Variants in PPEF1 observed in about 807,000 individuals in gnomAD.
PPEF1 encodes serine/threonine-protein phosphatase with EF-hands 1.
A neutral mutation model predicts 53.3 loss-of-function variants in PPEF1; 12 were observed. That is an observed-to-expected ratio of 0.23 (90% confidence interval 0.14 to 0.36). The LOEUF (loss-of-function observed/expected upper bound fraction) is 0.36. PPEF1 is among the 10% of genes least tolerant of loss of function. The probability of loss-of-function intolerance (pLI) is 1.00; values close to 1 mark genes in which losing one functional copy is unlikely to be tolerated. For synonymous variants in PPEF1, 165 were observed against 176.7 expected (o/e 0.93, Z 0.52); for missense variants, 334 against 490.4 (o/e 0.68, Z 3.01).
chrX:18,789,458 T>G (rs1385925529), intron 10 of PPEF1, among the ~76,000 whole-genome samples, 185 bp downstream of exon 10: 1 of 112,428 alleles, frequency 8.9e-6, no homozygotes, highest in Non-Finnish European at 1.9e-5. Context: ...ACTCACCCAT[T>G]TAAAGTGTAT....
chrX:18,763,948 G>T (rs2045716480), intron 6 of PPEF1, among the ~76,000 whole-genome samples: 1 of 111,470 alleles, frequency 9.0e-6, no homozygotes. Flanking sequence ...AGCCGAGGGG[G>T]CTGGTGAAAG....
intron 12 of PPEF1, among the ~76,000 whole-genome samples, chrX:18,807,003 GGTTTTTT>G (rs1366892548): frequency 7.9e-4 from 40 of 50,531 alleles, no homozygotes; most frequent in African/African-American, 3.7e-3. Context: ...TGTTTTTTTT[GGTTTTTT>G]TTTTGTTTGT....
intron 3 of PPEF1, among the ~76,000 whole-genome samples, chrX:18,741,869 T>G (rs1482305541): frequency 9.7e-6 from 1 of 103,187 alleles, no homozygotes; most frequent in African/African-American, 3.5e-5. Flanking sequence ...AGTGGCGCAA[T>G]CTCACCTCAC....
chrX:18,808,207 C>T (rs923801910), intron 12 of PPEF1, among the ~76,000 whole-genome samples: 11 of 106,468 alleles, frequency 1.0e-4, no homozygotes, highest in Non-Finnish European at 5.8e-5. Context: ...CCTTGTGATC[C>T]GCCCGCCTCA....
At chrX:18,781,554 C>T (rs2046086294) in intron 7 of PPEF1, among the ~76,000 whole-genome samples, 1 of 111,037 alleles carries the variant, frequency 9.0e-6, no homozygotes, top group African/African-American at 3.3e-5. Flanking sequence ...TCAGAGAGGG[C>T]GAGGAAGGTG....
At chrX:18,679,596 G>A (rs996868381), upstream of PPEF1, among the ~76,000 whole-genome samples, 1 of 111,684 alleles carries the variant, frequency 9.0e-6, no homozygotes, top group Non-Finnish European at 1.9e-5. Flanking sequence ...CTGGATCATA[G>A]CCAGTAGCCT....
upstream of PPEF1, among the ~76,000 whole-genome samples, chrX:18,681,036 T>C (rs770405094): frequency 4.5e-5 from 5 of 111,351 alleles, no homozygotes; most frequent in East Asian, 1.4e-3. Flanking sequence ...TTTGGGTTGG[T>C]TCCAAGTCTT....
chrX:18,821,788 AGAGAGAGAGAG>A (rs780895831), intron 13 of PPEF1, among the ~76,000 whole-genome samples: 37,192 of 102,463 alleles, frequency 0.36, 5,770 homozygotes, highest in Non-Finnish European at 0.47. Flanking sequence ...AGAGAGAGAG[AGAGAGAGAGAG>A]AGAGAAAACA....
At chrX:18,706,435 C>A (rs77999478), upstream of PPEF1, among the ~76,000 whole-genome samples, 2,344 of 109,994 alleles carry the variant, frequency 0.021, 51 homozygotes, top group South Asian at 0.16. Flanking sequence ...CAGCAGTGCC[C>A]AGAGAGCTTG....
intron 1 of PPEF1, among the ~76,000 whole-genome samples, chrX:18,712,181 G>T (rs1386910831): frequency 8.9e-6 from 1 of 111,855 alleles, no homozygotes; most frequent in African/African-American, 3.2e-5. Flanking sequence ...GAATCAATGT[G>T]TCAGTGTCTC....
intron 3 of PPEF1, among the ~76,000 whole-genome samples, chrX:18,746,000 C>G (rs940972214): frequency 2.7e-5 from 3 of 111,608 alleles, no homozygotes; most frequent in Non-Finnish European, 5.6e-5. Flanking sequence ...AATTTATGGG[C>G]TTTAAATTTT....
chrX:18,680,517 C>T (rs1365853173), upstream of PPEF1, among the ~76,000 whole-genome samples: 1 of 105,902 alleles, frequency 9.4e-6, no homozygotes, highest in African/African-American at 3.5e-5. Flanking sequence ...CAACCTCCGC[C>T]TCCTGGGTTC....
At chrX:18,704,616 T>A (rs1712641289), upstream of PPEF1, among the ~76,000 whole-genome samples, 1 of 111,804 alleles carries the variant, frequency 8.9e-6, no homozygotes, top group South Asian at 3.7e-4. Context: ...CTGGAAAAAT[T>A]CAGCTTGAAA....
chrX:18,783,412 T>C (rs2046133789), intron 8 of PPEF1, among the ~76,000 whole-genome samples: 1 of 110,812 alleles, frequency 9.0e-6, no homozygotes, highest in African/African-American at 3.3e-5. Flanking sequence ...CAAGATGTCA[T>C]AGTATCAAAA....
Position 18,825,736 on chromosome X carries a change from A to C in PPEF1, c.1666-15A>C, listed in dbSNP as rs1470142613. Reference sequence around the variant, plus strand: ...AATTCAATATGTTCTAACACTTAGAAAATCTTTATTTTAGGCTCATTCTAC... The same window carrying C: ...AATTCAATATGTTCTAACACTTAGACAATCTTTATTTTAGGCTCATTCTAC... On this transcript the variant is annotated splice_polypyrimidine_tract_variant and intron_variant, in intron 14 of 15. Transcript: ENST00000470157. 8.8e-7 allele frequency: 1 copy of C among 1,134,498 alleles called. No homozygotes were observed. Among genetic ancestry groups the C allele is most frequent in the African/African-American group, 1.8e-5 (1 of 54,805 alleles). The allele number at this position is 1,134,498 out of a possible 1,213,427, so 93.5% of individuals were successfully genotyped here.
At chrX:18,778,964 T>C (rs753547926) in intron 6 of PPEF1, 46 bp from the exon 7 acceptor site, 1 of 1,085,980 alleles carries the variant, frequency 9.2e-7, no homozygotes, top group Non-Finnish European at 1.3e-6. Context: ...ACTTTAAAAG[T>C]ATATTCTTTT....
intron 13 of PPEF1, among the ~76,000 whole-genome samples, chrX:18,823,346 C>T (rs2047101288): frequency 9.0e-6 from 1 of 111,343 alleles, no homozygotes. Flanking sequence ...AAACCTAGGC[C>T]GCGCATGGTG....
intron 6 of PPEF1, among the ~76,000 whole-genome samples, chrX:18,764,806 C>T (rs1371538423): frequency 9.0e-6 from 1 of 111,393 alleles, no homozygotes; most frequent in Non-Finnish European, 1.9e-5. Context: ...AAATCGGGAA[C>T]GTAGTCACTA....
At chrX:18,676,374 G>T (rs1175777143) in intron 1 of PPEF1, among the ~76,000 whole-genome samples, 1 of 99,948 alleles carries the variant, frequency 1.0e-5, no homozygotes, top group Non-Finnish European at 2.1e-5. Context: ...CCCGCCCCCC[G>T]CCCAGAAGTA....
Sources: allele counts gnomAD v4.1 joint callset (sites outside exome capture counted in the v4.1 genomes callset), GRCh38; gene constraint gnomAD v4.1.1; transcripts MANE v1.5; gene names NCBI Gene and HGNC (gene_info 2026-07-23, HGNC 2026-07-21).